SLC35F1: variants seen among roughly 807,000 people sequenced by gnomAD.
SLC35F1 encodes the protein solute carrier family 35 member F1, also known as chromosome 6 open reading frame 169.
SLC35F1 carries 14 observed loss-of-function variants against 48.7 expected under a neutral mutation model. The ratio of observed to expected loss-of-function variants is 0.29; its 90% CI spans 0.19 to 0.45. The LOEUF (loss-of-function observed/expected upper bound fraction) is 0.45. Ranked by LOEUF, SLC35F1 falls within the 20% of genes least tolerant of loss-of-function variation. The pLI, the probability that SLC35F1 is intolerant of heterozygous loss-of-function variation, is 1.00. For missense variants in SLC35F1, 404 were observed against 500.0 expected (o/e 0.81, Z 1.83); for synonymous variants, 190 against 202.2 (o/e 0.94, Z 0.51).
At chr6:118,205,543 G>A (rs773635227) in intron 2 of SLC35F1, among the ~76,000 whole-genome samples, 7 of 152,132 alleles carry the variant, frequency 4.6e-5, no homozygotes, top group Non-Finnish European at 7.3e-5. Flanking sequence ...GAACACTTGC[G>A]CATTGCTGGT....
At chr6:118,206,667 T>C (rs1774938999) in intron 2 of SLC35F1, among the ~76,000 whole-genome samples, 1 of 152,344 alleles carries the variant, frequency 6.6e-6, no homozygotes, top group Admixed American at 6.5e-5. Context: ...ACTTTAGGAA[T>C]CTTATGATGG....
chr6:118,288,076 C>G (rs1386893631), intron 7 of SLC35F1, among the ~76,000 whole-genome samples: 2 of 145,130 alleles, frequency 1.4e-5, no homozygotes, highest in African/African-American at 5.1e-5. Flanking sequence ...GATAAATTTT[C>G]TTAAAGCAGG....
intron 4 of SLC35F1, among the ~76,000 whole-genome samples, chr6:118,267,641 C>T (rs762524048): frequency 9.9e-5 from 15 of 152,192 alleles, no homozygotes; most frequent in Non-Finnish European, 1.8e-4. Context: ...TATAGGCCCA[C>T]GAGTAAATAA....
chr6:117,967,490 A>G (rs927951882), intron 1 of SLC35F1, among the ~76,000 whole-genome samples: 1 of 152,172 alleles, frequency 6.6e-6, no homozygotes, highest in Non-Finnish European at 1.5e-5. Flanking sequence ...TCATCCTCTT[A>G]TGGTTTAATG....
At chr6:118,269,065 G>C (rs1010782027) in intron 4 of SLC35F1, among the ~76,000 whole-genome samples, 2 of 152,252 alleles carry the variant, frequency 1.3e-5, no homozygotes, top group South Asian at 4.1e-4. Context: ...CAACTATAAA[G>C]ATGAACATTT....
chr6:118,121,361 C>T (rs560560520), intron 1 of SLC35F1, among the ~76,000 whole-genome samples: 2 of 152,288 alleles, frequency 1.3e-5, no homozygotes, highest in East Asian at 1.9e-4. Context: ...GCTTTTTATA[C>T]AGCTCTATCT....
At chr6:118,122,791 T>G (rs956199455) in intron 1 of SLC35F1, among the ~76,000 whole-genome samples, 4 of 152,176 alleles carry the variant, frequency 2.6e-5, no homozygotes, top group African/African-American at 7.2e-5. Flanking sequence ...CCTGGCTAAT[T>G]GGCATCCAAA....
chr6:117,945,210 A>G (rs1776282069), intron 1 of SLC35F1, among the ~76,000 whole-genome samples: 1 of 152,212 alleles, frequency 6.6e-6, no homozygotes, highest in South Asian at 2.1e-4. Flanking sequence ...GCAATTGCCC[A>G]GTCCTCCTCT....
At chr6:118,146,823 A>G (rs1773980655) in intron 1 of SLC35F1, among the ~76,000 whole-genome samples, 2 of 152,180 alleles carry the variant, frequency 1.3e-5, no homozygotes, top group African/African-American at 4.8e-5. Context: ...AAATGAATAA[A>G]CATTGCGGGT....
At chr6:117,919,337 G>A (rs1445430132) in intron 1 of SLC35F1, among the ~76,000 whole-genome samples, 1 of 152,148 alleles carries the variant, frequency 6.6e-6, no homozygotes, top group East Asian at 1.9e-4. Flanking sequence ...TTTGTAAACT[G>A]GTTAAAATAA....
At chr6:118,098,107 A>G (rs1346870849) in intron 1 of SLC35F1, among the ~76,000 whole-genome samples, 1 of 152,204 alleles carries the variant, frequency 6.6e-6, no homozygotes, top group Non-Finnish European at 1.5e-5. Flanking sequence ...CTAGGTGAAG[A>G]TACAATGAAC....
At chr6:118,077,686 GC>G (rs1375537873) in intron 1 of SLC35F1, among the ~76,000 whole-genome samples, 1 of 151,350 alleles carries the variant, frequency 6.6e-6, no homozygotes, top group African/African-American at 2.4e-5. Context: ...TTATTTAGAA[GC>G]TTTGTCAGCA....
chr6:117,953,393 T>C (rs1029991680), intron 1 of SLC35F1, among the ~76,000 whole-genome samples: 2 of 152,212 alleles, frequency 1.3e-5, no homozygotes, highest in Non-Finnish European at 2.9e-5. Flanking sequence ...TGTACACATA[T>C]ATATCGACAT....
At chr6:118,071,040 A>C (rs1038692060) in intron 1 of SLC35F1, among the ~76,000 whole-genome samples, 2 of 119,546 alleles carry the variant, frequency 1.7e-5, no homozygotes, top group Non-Finnish European at 3.7e-5. Flanking sequence ...GTGTATATAT[A>C]TACACATAGT....
intron 3 of SLC35F1, among the ~76,000 whole-genome samples, chr6:118,260,357 G>T (rs1268509745): frequency 6.6e-6 from 1 of 152,050 alleles, no homozygotes; most frequent in Non-Finnish European, 1.5e-5. Context: ...TACTTTAAAA[G>T]GGTGAAATTT....
At chr6:118,276,566 A>G (rs1169647440) in intron 5 of SLC35F1, among the ~76,000 whole-genome samples, 1 of 152,206 alleles carries the variant, frequency 6.6e-6, no homozygotes, top group Non-Finnish European at 1.5e-5. Flanking sequence ...ACAGTCTGAG[A>G]AGGATTTATT....
intron 1 of SLC35F1, among the ~76,000 whole-genome samples, chr6:118,153,878 T>C (rs544079013): frequency 6.6e-6 from 1 of 152,264 alleles, no homozygotes; most frequent in South Asian, 2.1e-4. Context: ...TTCTAGAGTC[T>C]GGGAATGGAC....
At chr6:117,989,414 T>C (rs1483792316) in intron 1 of SLC35F1, among the ~76,000 whole-genome samples, 1 of 152,230 alleles carries the variant, frequency 6.6e-6, no homozygotes, top group African/African-American at 2.4e-5. Flanking sequence ...TTCTTCTGCA[T>C]GTGAAGTGGC....
chr6:118,180,988 C>T (rs1185882891), intron 2 of SLC35F1, among the ~76,000 whole-genome samples: 1 of 151,944 alleles, frequency 6.6e-6, no homozygotes, highest in African/African-American at 2.4e-5. Context: ...AAAATAGTAA[C>T]AATTAGACAA....
Sources: gnomAD v4.1 joint callset for allele counts (sites outside exome capture counted in the v4.1 genomes callset) on GRCh38, gnomAD v4.1.1 for gene constraint, MANE v1.5 for transcripts, NCBI Gene and HGNC (gene_info 2026-07-23, HGNC 2026-07-21) for gene names.